FGGY: variants seen among roughly 807,000 people sequenced by gnomAD.
The protein encoded by FGGY is FGGY carbohydrate kinase domain containing.
In FGGY, 72 loss-of-function variants were observed where a neutral mutation model predicts 71.3. The ratio of observed to expected loss-of-function variants is 1.01; its 90% CI spans 0.84 to 1.23. The LOEUF is 1.23. Among genes scored for constraint, FGGY ranks in the 50% most tolerant of loss-of-function variants. FGGY has a pLI of 0.00. For synonymous variants in FGGY, 251 were observed against 250.3 expected, an observed-to-expected ratio of 1.00 and a Z score of -0.02; for missense variants, 668 against 682.3, an observed-to-expected ratio of 0.98 and a Z score of 0.23.
chr1:59,467,346 C>T (rs113819419), intron 6 of FGGY, among the ~76,000 whole-genome samples: 25 of 151,010 alleles, frequency 1.7e-4, no homozygotes, highest in African/African-American at 4.9e-4. Flanking sequence ...CAGGGCCTGT[C>T]GTGGGGTGGG....
chr1:59,553,854 T>A, intron 7 of FGGY: 1 of 311,810 alleles, frequency 3.2e-6, no homozygotes. Flanking sequence ...AGCTGCTGCT[T>A]TTATTATGAC....
At chr1:59,573,504 A>G (rs1017026152) in intron 8 of FGGY, among the ~76,000 whole-genome samples, 1 of 152,144 alleles carries the variant, frequency 6.6e-6, no homozygotes, top group African/African-American at 2.4e-5. Flanking sequence ...ATATATGTTT[A>G]TGAACAATAT....
intron 5 of FGGY, among the ~76,000 whole-genome samples, chr1:59,381,393 AT>A (rs2059419094): frequency 1.3e-5 from 2 of 152,136 alleles, no homozygotes; most frequent in African/African-American, 4.8e-5. Context: ...CGGTATGGCC[AT>A]TTTCACAATA....
At chr1:59,564,298 A>G (rs1183624283) in intron 8 of FGGY, among the ~76,000 whole-genome samples, 1 of 152,146 alleles carries the variant, frequency 6.6e-6, no homozygotes, top group Non-Finnish European at 1.5e-5. Flanking sequence ...CCATCTAACA[A>G]CTGTTCAGAA....
chr1:59,624,185 A>G (rs2096835809), intron 9 of FGGY, among the ~76,000 whole-genome samples: 1 of 152,188 alleles, frequency 6.6e-6, no homozygotes, highest in Admixed American at 6.5e-5. Flanking sequence ...CATTTCCACA[A>G]AAACTGCACC....
chr1:59,685,227 A>G (rs1175558914), intron 14 of FGGY, among the ~76,000 whole-genome samples: 1 of 152,022 alleles, frequency 6.6e-6, no homozygotes, highest in African/African-American at 2.4e-5. Context: ...ACTGAGGAAG[A>G]AGTTATTTCC....
chr1:59,695,450 A>C (rs1321996201), intron 14 of FGGY, among the ~76,000 whole-genome samples: 1 of 152,212 alleles, frequency 6.6e-6, no homozygotes. Context: ...TTGTATCCTC[A>C]TGACAACCTT....
At chr1:59,675,150 CTTCTCAACTGAACG>C (rs2097423601) in intron 14 of FGGY, among the ~76,000 whole-genome samples, 1 of 152,168 alleles carries the variant, frequency 6.6e-6, no homozygotes, top group African/African-American at 2.4e-5. Flanking sequence ...CTGGCTCCCA[CTTCTCAACTGAACG>C]TTCAAGAGAT....
At chr1:59,703,947 A>G (rs1392714116) in intron 14 of FGGY, among the ~76,000 whole-genome samples, 1 of 152,116 alleles carries the variant, frequency 6.6e-6, no homozygotes, top group East Asian at 1.9e-4. Flanking sequence ...GGGGCCTGAC[A>G]ATTTGTTATT....
chr1:59,520,610 T>A (rs1170904048), intron 7 of FGGY, among the ~76,000 whole-genome samples: 1 of 152,222 alleles, frequency 6.6e-6, no homozygotes, highest in Non-Finnish European at 1.5e-5. Context: ...GAAATCCACA[T>A]AGCTGGTCTT....
At chr1:59,589,168 C>T (rs1418293966) in intron 8 of FGGY, among the ~76,000 whole-genome samples, 1 of 152,040 alleles carries the variant, frequency 6.6e-6, no homozygotes, top group Non-Finnish European at 1.5e-5. Context: ...GACTTTAAAC[C>T]AACAAAGATC....
chr1:59,589,619 C>G (rs2096386861), intron 8 of FGGY, among the ~76,000 whole-genome samples: 1 of 152,170 alleles, frequency 6.6e-6, no homozygotes, highest in East Asian at 1.9e-4. Flanking sequence ...AAGTAGAACT[C>G]AGGATTCAGA....
chr1:59,681,480 T>G (rs1419287377), intron 14 of FGGY, among the ~76,000 whole-genome samples: 1 of 152,210 alleles, frequency 6.6e-6, no homozygotes, highest in Admixed American at 6.5e-5. Flanking sequence ...TTTGACTTGA[T>G]TTTGTTCAAG....
At chr1:59,472,156 C>G (rs568250520) in intron 6 of FGGY, among the ~76,000 whole-genome samples, 3 of 152,212 alleles carry the variant, frequency 2.0e-5, no homozygotes, top group Non-Finnish European at 4.4e-5. Flanking sequence ...ACCGGGGCTG[C>G]GCGCAGTGCT....
At chr1:59,601,632 C>A (rs1020124931) in intron 8 of FGGY, among the ~76,000 whole-genome samples, 2 of 152,144 alleles carry the variant, frequency 1.3e-5, no homozygotes, top group African/African-American at 4.8e-5. Context: ...AAATGTACAC[C>A]TACAAGTCAC....
chr1:59,760,320 T>A (rs577086884), intron 15 of FGGY, among the ~76,000 whole-genome samples: 2 of 152,320 alleles, frequency 1.3e-5, no homozygotes, highest in South Asian at 2.1e-4. Context: ...TGTGGAGAAA[T>A]TGGAAGCTCT....
At chr1:59,514,411 TCA>T (rs2094589456) in intron 7 of FGGY, among the ~76,000 whole-genome samples, 1 of 152,190 alleles carries the variant, frequency 6.6e-6, no homozygotes, top group Non-Finnish European at 1.5e-5. Context: ...TGCCCAGGAC[TCA>T]CTATGTCCTC....
At chr1:59,742,263 A>G (rs1021553829) in intron 14 of FGGY, among the ~76,000 whole-genome samples, 15 of 152,180 alleles carry the variant, frequency 9.9e-5, no homozygotes, top group Non-Finnish European at 2.1e-4. Flanking sequence ...CGCTACAGAA[A>G]TTCCACCAAA....
chr1:59,365,971 A>C (rs2056510964), intron 4 of FGGY, among the ~76,000 whole-genome samples: 1 of 152,222 alleles, frequency 6.6e-6, no homozygotes, highest in Non-Finnish European at 1.5e-5. Flanking sequence ...GGCAATCAAA[A>C]TCAGGTATGC....
Sources: gnomAD v4.1 joint callset for allele counts (sites outside exome capture counted in the v4.1 genomes callset) on GRCh38, gnomAD v4.1.1 for gene constraint, MANE v1.5 for transcripts, NCBI Gene and HGNC (gene_info 2026-07-23, HGNC 2026-07-21) for gene names.